Variants in PIGZ observed in about 807,000 individuals in gnomAD.
PIGZ encodes the protein GPI alpha-1,2-mannosyltransferase 4.
A neutral mutation model predicts 16.4 loss-of-function variants in PIGZ; 16 were observed. The observed-to-expected ratio is 0.97, with a 90% CI of 0.66 to 1.48. The LOEUF is 1.48. PIGZ is among the 40% of genes most tolerant of loss of function. PIGZ has a pLI of 0.00. For synonymous variants in PIGZ, 409 were observed against 338.4 expected, an observed-to-expected ratio of 1.21 and a Z score of -2.29; for missense variants, 770 against 739.2, an observed-to-expected ratio of 1.04 and a Z score of -0.48.
intron 1 of PIGZ, among the ~76,000 whole-genome samples, chr3:196,958,850 T>A (rs978290938): frequency 7.2e-5 from 11 of 152,186 alleles, no homozygotes; most frequent in Non-Finnish European, 1.3e-4. Flanking sequence ...AAGTCATATA[T>A]TTAAGGGACA....
At chr3:196,955,153 T>C (rs926018156) in intron 1 of PIGZ, among the ~76,000 whole-genome samples, 5 of 152,132 alleles carry the variant, frequency 3.3e-5, no homozygotes, top group African/African-American at 7.2e-5. Context: ...CTTGACCTCC[T>C]GCGTTCAAGC....
chr3:196,958,834 T>G (rs1227265833), intron 1 of PIGZ, among the ~76,000 whole-genome samples: 4 of 152,224 alleles, frequency 2.6e-5, no homozygotes, highest in Admixed American at 6.5e-5. Context: ...CAAATTATTC[T>G]CAAGGAAGTC....
chr3:196,959,601 CTGTA>C (rs1293955591), intron 1 of PIGZ, among the ~76,000 whole-genome samples: 3 of 152,224 alleles, frequency 2.0e-5, no homozygotes, highest in Non-Finnish European at 4.4e-5. Flanking sequence ...TCCCTTGAAA[CTGTA>C]TGTCCCCTCC....
Position 196,947,630 on chromosome 3 carries a change from C to T in PIGZ, c.1267G>A (p.Gly423Ser), listed in dbSNP as rs1288923614. The T allele has an allele frequency of 5.6e-6, 9 of 1,612,452 alleles. No individual in the cohort carries two copies. Among genetic ancestry groups the T allele is most frequent in the African/African-American group, 2.7e-5 (2 of 74,908 alleles). Residue 423 changes from glycine (G) to serine (S), a missense_variant, in exon 3 of 3, where the codon GGT becomes AGT. By Grantham distance (56) the Gly-to-Ser change is moderately conservative. Coordinates refer to ENST00000412723, the MANE Select transcript of PIGZ (RefSeq NM_025163.4). ...KGTVVLFNAL[G>S]ALLFGCLHQG... ...TGCAGGCAGCCGAAGAGGAGGGCAC[C>T]GAGGGCGTTGAAGAGGACCACAGTG...
chr3:196,956,067 A>G, intron 1 of PIGZ, among the ~76,000 whole-genome samples: 1 of 151,870 alleles, frequency 6.6e-6, no homozygotes, highest in Middle Eastern at 3.4e-3. Context: ...ATTATTTAAT[A>G]TTTTAATATT....
In PIGZ at chr3:196,947,225, A is replaced by AG; in HGVS notation, c.1671dup (p.Ser558LeufsTer26). The AG allele has an allele frequency of 6.2e-7, 1 of 1,606,202 alleles. No homozygotes were observed. The highest frequency in any genetic ancestry group is 8.5e-7 in the Non-Finnish European group (1 of 1,175,632). On this transcript the variant is annotated frameshift_variant, in exon 3 of 3. Transcript: ENST00000412723. LOFTEE classifies it high-confidence loss of function. ...TCCCTCCAAGCCCCACTCAGCAAGG[A>AG]GGACAGGGCTGGTGGATCCTCCAGG...
intron 1 of PIGZ, among the ~76,000 whole-genome samples, chr3:196,968,083 A>G (rs1375392221): frequency 1.3e-5 from 2 of 152,192 alleles, no homozygotes; most frequent in Non-Finnish European, 2.9e-5. Flanking sequence ...ATGACCACCA[A>G]CCGGAGCGCT....
At chr3:196,963,398 C>T (rs1577899258) in intron 1 of PIGZ, among the ~76,000 whole-genome samples, 1 of 152,194 alleles carries the variant, frequency 6.6e-6, no homozygotes, top group South Asian at 2.1e-4. Flanking sequence ...GTGGCTGTAT[C>T]ATTTTACATT....
In PIGZ at chr3:196,947,130, T is replaced by C; in HGVS notation, c.*27A>G. On this transcript the variant is annotated 3_prime_UTR_variant, in exon 3 of 3. Transcript: ENST00000412723. ...GGGCGGCATCTTCTATGGCTGAGTC[T>C]TGGGCAGTGGGTGCTCTGTCATATT... The C allele has an allele frequency of 6.6e-7, 1 of 1,526,204 alleles. No individual in the cohort carries two copies. The highest frequency in any genetic ancestry group is 8.8e-7 in the Non-Finnish European group (1 of 1,135,688). The allele number at this position is 1,526,204 out of a possible 1,614,324, so 94.5% of individuals were successfully genotyped here. A position where few individuals can be genotyped will look rare whatever the true frequency, so the allele number is the denominator to read the frequency against.
rs1294266436 is a variant in PIGZ, at chr3:196,947,994, C to A, written c.903G>T (p.Leu301=). 15 of 1,603,410 alleles carry A rather than the reference C, an allele frequency of 9.4e-6. No homozygotes were observed. The highest frequency in any genetic ancestry group is 1.2e-5 in the Non-Finnish European group (14 of 1,172,980). ...LTPVNFLHYN[L]NPQNLARHGT... ...CATGTCTCGCCAGGTTTTGGGGATTCAGGTTGTAGTGCAAGAAGTTGACAG... is the reference window on the plus strand; with the variant it reads ...CATGTCTCGCCAGGTTTTGGGGATTAAGGTTGTAGTGCAAGAAGTTGACAG... The change falls in exon 3 of 3, where the codon CTG becomes CTT. Residue 301 remains leucine, a synonymous_variant. Transcript: ENST00000412723.
intron 1 of PIGZ, among the ~76,000 whole-genome samples, chr3:196,962,574 C>T (rs974180899): frequency 3.3e-5 from 5 of 151,386 alleles, no homozygotes; most frequent in African/African-American, 1.2e-4. Context: ...GGTGTAAAAC[C>T]TGATCGTACA....
At chr3:196,948,940 TTCCTTCCCCTCCCCTCCCTTCCTTCC>T (rs1560181092) in intron 2 of PIGZ, among the ~76,000 whole-genome samples, 9 of 11,868 alleles carry the variant, frequency 7.6e-4, no homozygotes, top group African/African-American at 6.3e-3. Flanking sequence ...TTTACTTCCC[TTCCTTCCCCTCCCCTCCCTTCCTTCC>T]CTTCCCCTCC....
chr3:196,966,402 C>T (rs528126477), intron 1 of PIGZ, among the ~76,000 whole-genome samples: 1 of 152,352 alleles, frequency 6.6e-6, no homozygotes, highest in Non-Finnish European at 1.5e-5. Flanking sequence ...TGCCCTAACC[C>T]CCAAGAAGTC....
Position 196,948,944 on chromosome 3 carries a change from T to C in PIGZ, c.212-259A>G, listed in dbSNP as rs1309165819. Among the ~76,000 whole-genome samples, 53 of 10,072 alleles carry C rather than the reference T, an allele frequency of 5.3e-3. 5 individuals carry two copies. The highest frequency in any genetic ancestry group is 0.048 in the African/African-American group (46 of 962). The allele number at this position is 10,072 out of a possible 152,430, so 6.6% of individuals were successfully genotyped here. On this transcript the variant is annotated intron_variant, in intron 2 of 2. Coordinates refer to ENST00000412723, the MANE Select transcript of PIGZ (RefSeq NM_025163.4). ...CCTTCCTTCCCTTTACTTCCCTTCC[T>C]TCCCCTCCCCTCCCTTCCTTCCCTT...
Position 196,951,932 on chromosome 3 carries a change from C to A in PIGZ, c.100G>T (p.Val34Phe). 2 of 1,614,226 alleles carry A rather than the reference C, an allele frequency of 1.2e-6. No individual in the cohort carries two copies. Among genetic ancestry groups the A allele is most frequent in the Non-Finnish European group, 1.7e-6 (2 of 1,180,052 alleles). Residue 34 changes from valine (V) to phenylalanine (F), a missense_variant, in exon 2 of 3, where the codon GTC (valine) becomes TTC (phenylalanine). Transcript: ENST00000412723. Reference protein sequence around the residue: ...CWQQLDLKMAVRVLWGGLSLL... With the variant: ...CWQQLDLKMAFRVLWGGLSLL... Reference sequence around the variant, plus strand: ...CTGAGACCACCCCAAAGCACCCTGACTGCCATCTTCAGATCCAGTTGTTGC... The same window carrying A: ...CTGAGACCACCCCAAAGCACCCTGAATGCCATCTTCAGATCCAGTTGTTGC...
rs112574701 is a variant in PIGZ, at chr3:196,965,323, C to T, written c.-1+3364G>A. 2.6e-5 allele frequency among the ~76,000 whole-genome samples: 4 copies of T among 152,246 alleles called. No individual in the cohort carries two copies. Among genetic ancestry groups the T allele is most frequent in the South Asian group, 2.1e-4 (1 of 4,816 alleles). ...GAGAGAGTGTGAGTGGAGGAAATGA[C>T]GGACGCTTATGGAACCATCAGATCT... On this transcript the variant is annotated intron_variant, in intron 1 of 2. Transcript: ENST00000412723. The surrounding 1 kb of genome is among the most constrained non-coding windows in gnomAD (Gnocchi z 4.2).
At position 196,947,157 on chromosome 3, in the gene PIGZ, T is replaced by C; in HGVS notation, c.1740A>G (p.Ter580TrpextTer49). ...GGGCAGTGGGTGCTCTGTCATATTG[T>C]CAGGTTTCTTCCCCCAGCTCCACAA... is the stretch of plus-strand genomic sequence containing the variant. Reference protein sequence around the residue: ...LHIVELGEET* With the variant: ...LHIVELGEETW Residue 580 changes from the stop codon to tryptophan, a stop_lost, in exon 3 of 3, where the codon TGA becomes TGG. Transcript: ENST00000412723. 1 of 1,544,354 alleles carries C rather than the reference T, an allele frequency of 6.5e-7. No homozygotes were observed. Among genetic ancestry groups the C allele is most frequent in the Non-Finnish European group, 8.7e-7 (1 of 1,144,136 alleles).
chr3:196,951,649 G>A, intron 2 of PIGZ, 172 bp downstream of exon 2: 1 of 645,204 alleles, frequency 1.5e-6, no homozygotes, highest in South Asian at 1.9e-5. Context: ...TCGGGAAGGA[G>A]ATATGAAGTC....
rs1007480712 is a variant in PIGZ, at chr3:196,965,383, G to C, written c.-1+3304C>G. On this transcript the variant is annotated intron_variant, in intron 1 of 2. Coordinates refer to ENST00000412723, the MANE Select transcript of PIGZ (RefSeq NM_025163.4). The surrounding 1 kb of genome is among the most constrained non-coding windows in gnomAD (Gnocchi z 4.2). ...TCCCTAACTATCCGAAGAACAGCGT[G>C]GGGGAAACCACCCCATGATCCGATC... Among the ~76,000 whole-genome samples, 1 of 152,194 alleles carries C rather than the reference G, an allele frequency of 6.6e-6. No individual in the cohort carries two copies. The highest frequency in any genetic ancestry group is 2.1e-4 in the South Asian group (1 of 4,822).
Sources: gnomAD v4.1 joint callset for allele counts (sites outside exome capture counted in the v4.1 genomes callset) on GRCh38, gnomAD v4.1.1 for gene constraint, Gnocchi (gnomAD v3.1) non-coding constraint, MANE v1.5 for transcripts, NCBI Gene and HGNC (gene_info 2026-07-23, HGNC 2026-07-21) for gene names.